Variants in TANC1 observed in about 807,000 individuals in gnomAD.
TANC1 encodes protein TANC1.
A neutral mutation model predicts 149.7 loss-of-function variants in TANC1; 77 were observed. That is an observed-to-expected ratio of 0.51 (90% CI 0.43 to 0.62). The LOEUF (loss-of-function observed/expected upper bound fraction) is 0.62, where lower values mean the gene tolerates loss of function less well. Among genes scored for constraint, TANC1 ranks in the 20% least tolerant of loss-of-function variants. The pLI is 0.00. For missense variants in TANC1, 1,985 were observed against 2,321.8 expected, an observed-to-expected ratio of 0.85 and a Z score of 2.98; for synonymous variants, 854 against 925.0, an observed-to-expected ratio of 0.92 and a Z score of 1.39.
chr2:159,012,217 T>C (rs2037841378), intron 2 of TANC1, among the ~76,000 whole-genome samples: 1 of 152,182 alleles, frequency 6.6e-6, no homozygotes, highest in Admixed American at 6.5e-5. Flanking sequence ...AAAAGTGAAA[T>C]TGGATTAAAA....
rs542538017 is a variant in TANC1, at chr2:158,995,331, T to G, written c.-125-5749T>G. Reference sequence around the variant, plus strand: ...TTGAACTTCCTGTGTAATGGATGGTTACCATGTGTTTGTGTTATTCTCTGG... The same window carrying G: ...TTGAACTTCCTGTGTAATGGATGGTGACCATGTGTTTGTGTTATTCTCTGG... On this transcript the variant is annotated intron_variant, in intron 1 of 26. Coordinates refer to ENST00000263635, the MANE Select transcript of TANC1 (RefSeq NM_033394.3). Among the ~76,000 whole-genome samples the G allele has an allele frequency of 2.6e-5, 4 of 152,350 alleles. No homozygotes were observed. In the South Asian group the frequency reaches 8.3e-4, roughly 32 times the overall value.
intron 7 of TANC1, among the ~76,000 whole-genome samples, chr2:159,151,830 A>G (rs1387413420): frequency 6.6e-6 from 1 of 152,198 alleles, no homozygotes; most frequent in Non-Finnish European, 1.5e-5. Flanking sequence ...TTTTACCTTC[A>G]TTCTTTATTA....
intron 16 of TANC1, among the ~76,000 whole-genome samples, chr2:159,188,568 A>G (rs1315967997): frequency 6.6e-6 from 1 of 152,244 alleles, no homozygotes; most frequent in African/African-American, 2.4e-5. Flanking sequence ...TCAGCTGACA[A>G]CAGAAAGGAG....
chr2:159,174,285 T>A (rs2055597566), intron 11 of TANC1, among the ~76,000 whole-genome samples: 1 of 152,166 alleles, frequency 6.6e-6, no homozygotes, highest in African/African-American at 2.4e-5. Flanking sequence ...ACAGGGACCA[T>A]TCCTTTTCCT....
chr2:159,199,691 G>A (rs1327058334), intron 19 of TANC1, among the ~76,000 whole-genome samples: 1 of 152,202 alleles, frequency 6.6e-6, no homozygotes, highest in African/African-American at 2.4e-5. Context: ...AGAAATCTAA[G>A]ACTTTAAATT....
intron 2 of TANC1, chr2:159,004,016 G>A (rs1445667427): frequency 3.1e-6 from 5 of 1,612,254 alleles, no homozygotes; most frequent in Non-Finnish European, 4.2e-6. Context: ...TTGAAGAGGT[G>A]AACATGATTA....
intron 2 of TANC1, among the ~76,000 whole-genome samples, chr2:159,053,278 GAA>G (rs767897331): frequency 2.8e-5 from 4 of 142,904 alleles, no homozygotes; most frequent in South Asian, 2.2e-4. Flanking sequence ...GAGCTTAAGG[GAA>G]AAAAAAAAAA....
chr2:159,128,396 G>A (rs1471496633), intron 4 of TANC1, among the ~76,000 whole-genome samples: 1 of 152,194 alleles, frequency 6.6e-6, no homozygotes, highest in Non-Finnish European at 1.5e-5. Flanking sequence ...GTCATTCCCT[G>A]GAGGAGAGCT....
chr2:159,005,850 G>A (rs1167586936), intron 2 of TANC1, among the ~76,000 whole-genome samples: 2 of 151,872 alleles, frequency 1.3e-5, no homozygotes, highest in Non-Finnish European at 2.9e-5. Context: ...TTATTTTTTA[G>A]GATATTTGAT....
rs113544463 is a variant in TANC1 at position 159,174,663 on chromosome 2, A to G, written c.1504-290A>G. Among the ~76,000 whole-genome samples, 853 of 152,320 alleles carry G rather than the reference A, an allele frequency of 5.6e-3. 9 individuals carry two copies. Among genetic ancestry groups the G allele is most frequent in the African/African-American group, 0.019 (809 of 41,556 alleles). On this transcript the variant is annotated intron_variant, in intron 11 of 26. Transcript: ENST00000263635. ...GCTGCTGTAAGCCAGGGTAGGTTTT[A>G]GGTTTTATGAATGCTGTTTGTTTAT... is the stretch of plus-strand genomic sequence containing the variant.
intron 22 of TANC1, among the ~76,000 whole-genome samples, chr2:159,221,780 C>G (rs2059724756): frequency 6.6e-6 from 1 of 152,210 alleles, no homozygotes; most frequent in African/African-American, 2.4e-5. Context: ...ATCTTTATCT[C>G]TTTGCCAAAT....
intron 19 of TANC1, among the ~76,000 whole-genome samples, chr2:159,204,398 C>T (rs919552748): frequency 1.6e-4 from 24 of 152,308 alleles, no homozygotes; most frequent in African/African-American, 4.3e-4. Flanking sequence ...CTCGGTGGGG[C>T]ACCTGTGCTG....
intron 2 of TANC1, among the ~76,000 whole-genome samples, chr2:159,011,034 C>T (rs1559129245): frequency 6.6e-6 from 1 of 152,096 alleles, no homozygotes; most frequent in Non-Finnish European, 1.5e-5. Context: ...GCTTTACATA[C>T]AATAGTTGCT....
At chr2:159,050,056 G>A (rs146896752) in intron 2 of TANC1, among the ~76,000 whole-genome samples, 10 of 152,302 alleles carry the variant, frequency 6.6e-5, no homozygotes, top group African/African-American at 2.4e-4. Context: ...GCTTGGGAGT[G>A]CAGCATTTGT....
At chr2:158,986,386 G>A (rs1475449464) in intron 1 of TANC1, among the ~76,000 whole-genome samples, 2 of 152,200 alleles carry the variant, frequency 1.3e-5, no homozygotes, top group Admixed American at 6.5e-5. Context: ...AGTTGGAAAT[G>A]CCCAGTCGGT....
intron 2 of TANC1, among the ~76,000 whole-genome samples, chr2:159,045,139 G>T (rs186809334): frequency 2.6e-5 from 4 of 152,314 alleles, no homozygotes; most frequent in Admixed American, 2.6e-4. Context: ...TCCACAAGAG[G>T]TGATAGTGTA....
intron 19 of TANC1, among the ~76,000 whole-genome samples, chr2:159,216,571 C>T (rs896999622): frequency 6.6e-6 from 1 of 152,202 alleles, no homozygotes; most frequent in African/African-American, 2.4e-5. Context: ...ACACCCCCTG[C>T]TTATTACCCC....
intron 1 of TANC1, among the ~76,000 whole-genome samples, chr2:158,977,862 GCCCGT>G (rs2149200098): frequency 6.6e-6 from 1 of 152,106 alleles, no homozygotes; most frequent in East Asian, 1.9e-4. Context: ...CTGAACTCCT[GCCCGT>G]CCCTGATACT....
intron 17 of TANC1, among the ~76,000 whole-genome samples, chr2:159,195,085 A>G (rs933167165): frequency 2.0e-5 from 3 of 152,200 alleles, no homozygotes; most frequent in Admixed American, 1.3e-4. Context: ...TCATATATGA[A>G]GTAAGTATGT....
Sources: allele counts gnomAD v4.1 joint callset (sites outside exome capture counted in the v4.1 genomes callset), GRCh38; gene constraint gnomAD v4.1.1; transcripts MANE v1.5; gene names NCBI Gene and HGNC (gene_info 2026-07-23, HGNC 2026-07-21).